Variants in PCDHGA3 observed in about 807,000 individuals in gnomAD.
PCDHGA3 encodes protocadherin gamma subfamily A, 3.
PCDHGA3 carries 40 observed loss-of-function variants against 58.5 expected under a neutral mutation model. That is an observed-to-expected ratio of 0.68 (90% CI 0.53 to 0.89). The LOEUF is 0.89. PCDHGA3 is among the 40% of genes least tolerant of loss of function. The pLI is 0.00. For synonymous variants in PCDHGA3, 530 were observed against 525.7 expected (o/e 1.01, Z -0.11); for missense variants, 1,223 against 1,195.9 (o/e 1.02, Z -0.33).
In PCDHGA3 at chr5:141,489,739, G is replaced by A; in HGVS notation, c.2425-5068G>A. On this transcript the variant is annotated intron_variant, in intron 1 of 3. Transcript: ENST00000253812. The surrounding 1 kb of genome is among the most constrained non-coding windows in gnomAD (Gnocchi z 4.5). Reference sequence around the variant, plus strand: ...GGATCCGGATGTGGGCACCAATACTGTGAGCTTTTACACTCTAAGCCCCAA... The same window carrying A: ...GGATCCGGATGTGGGCACCAATACTATGAGCTTTTACACTCTAAGCCCCAA... 3 of 1,614,170 alleles carry A rather than the reference G, an allele frequency of 1.9e-6. No homozygotes were observed. The highest frequency in any genetic ancestry group is 2.2e-5 in the South Asian group (2 of 91,076).
Position 141,489,434 on chromosome 5 carries a change from A to G in PCDHGA3, c.2425-5373A>G. On this transcript the variant is annotated intron_variant, in intron 1 of 3. Transcript: ENST00000253812. This position sits in a 1 kb window ranked among gnomAD's most constrained non-coding sequence, Gnocchi z 4.5. ...ACAGATCTGTTGAGCCGGCGGCTGC[A>G]ATTGGGCTCTGAGGAGAATGGGCGC... 6.2e-7 allele frequency: 1 copy of G among 1,614,138 alleles called. No individual in the cohort carries two copies. The highest frequency in any genetic ancestry group is 8.5e-7 in the Non-Finnish European group (1 of 1,180,044).
Position 141,435,556 on chromosome 5 carries a change from G to C in PCDHGA3, c.2425-59251G>C, listed in dbSNP as rs568743865. ...AGAATTAACAAAATGTGTTTTGAGT[G>C]CTTTTTTTAGTACTGGGGCAAATTT... is the stretch of plus-strand genomic sequence containing the variant. On this transcript the variant is annotated intron_variant, in intron 1 of 3. Transcript: ENST00000253812. Among the ~76,000 whole-genome samples, 7 of 152,242 alleles carry C rather than the reference G, an allele frequency of 4.6e-5. 1 individual carries two copies. Among genetic ancestry groups the C allele is most frequent in the African/African-American group, 1.4e-4 (6 of 41,544 alleles).
At position 141,379,535 on chromosome 5, in the gene PCDHGA3, G is replaced by A. The variant is rs1035667412; in HGVS notation, c.2424+33078G>A. On this transcript the variant is annotated intron_variant, in intron 1 of 3. Coordinates refer to ENST00000253812, the MANE Select transcript of PCDHGA3 (RefSeq NM_018916.4). ...ACATCTTGAGCATTTGTTGTTATAGGGAAAGCTCACTAACTACTTTTCATG... is the reference window on the plus strand; with the variant it reads ...ACATCTTGAGCATTTGTTGTTATAGAGAAAGCTCACTAACTACTTTTCATG... 103 of 152,098 alleles carry A rather than the reference G, an allele frequency of 6.8e-4. 1 individual carries two copies. Among genetic ancestry groups the A allele is most frequent in the African/African-American group, 2.4e-3 (101 of 41,410 alleles). 9.4% of individuals were successfully genotyped at this position (152,098 alleles called of 1,614,324 possible).
chr5:141,382,427 G>T (rs1422765851), intron 1 of PCDHGA3, among the ~76,000 whole-genome samples: 1 of 152,138 alleles, frequency 6.6e-6, no homozygotes, highest in African/African-American at 2.4e-5. Context: ...GTGCCCAAAA[G>T]AGTCACTTGA....
At position 141,487,939 on chromosome 5, in the gene PCDHGA3, C is replaced by A; in HGVS notation, c.2425-6868C>A. ...AGGCTACAGTGCACAGGGTACAGTG[C>A]ACCAGGCAGTCACTTGGACAAAGGT... On this transcript the variant is annotated intron_variant, in intron 1 of 3. Coordinates refer to ENST00000253812, the MANE Select transcript of PCDHGA3 (RefSeq NM_018916.4). The surrounding 1 kb of genome is among the most constrained non-coding windows in gnomAD (Gnocchi z 5.0). The A allele has an allele frequency of 1.7e-6, 1 of 600,512 alleles. No individual in the cohort carries two copies. Among genetic ancestry groups the A allele is most frequent in the Non-Finnish European group, 2.9e-6 (1 of 343,042 alleles). The allele number at this position is 600,512 out of a possible 1,614,324, so 37.2% of individuals were successfully genotyped here.
intron 1 of PCDHGA3, among the ~76,000 whole-genome samples, chr5:141,448,001 G>A (rs143950707): frequency 0.046 from 7,030 of 151,928 alleles, 245 homozygotes; most frequent in African/African-American, 0.093. Context: ...CATGAGAATC[G>A]CTTGAACCCA....
intron 1 of PCDHGA3, chr5:141,409,439 G>C: frequency 6.2e-7 from 1 of 1,613,998 alleles, no homozygotes; most frequent in Non-Finnish European, 8.5e-7. Flanking sequence ...CCTGGACCGA[G>C]AGCAGACACC....
chr5:141,428,121 G>A (rs764584436), intron 1 of PCDHGA3: 2 of 1,605,742 alleles, frequency 1.2e-6, no homozygotes, highest in Admixed American at 1.7e-5. Flanking sequence ...CATCGAGCCC[G>A]GGCTTTTCAG....
At position 141,383,195 on chromosome 5, in the gene PCDHGA3, G is replaced by A. The variant is rs765730698; in HGVS notation, c.2424+36738G>A. On this transcript the variant is annotated intron_variant, in intron 1 of 3. Transcript: ENST00000253812. ...GACCGGGAAGAGATCTGCGCTCAGA[G>A]TGCGCGGTGTCTGGTAAACTTTAAC... 18 of 1,614,044 alleles carry A rather than the reference G, an allele frequency of 1.1e-5. No homozygotes were observed. Among genetic ancestry groups the A allele is most frequent in the Non-Finnish European group, 1.5e-5 (18 of 1,179,940 alleles).
At chr5:141,420,284 TA>T in intron 1 of PCDHGA3, 2 of 1,505,934 alleles carry the variant, frequency 1.3e-6, no homozygotes, top group East Asian at 2.3e-5. Context: ...GGTAAGTATT[TA>T]AAAATGTATT....
intron 1 of PCDHGA3, chr5:141,413,690 A>G (rs553462819): frequency 6.2e-7 from 1 of 1,613,702 alleles, no homozygotes; most frequent in Non-Finnish European, 8.5e-7. Flanking sequence ...AACTCCCTGC[A>G]GAGCTATCAG....
rs2099634686 is a variant in PCDHGA3 at position 141,486,772 on chromosome 5, T to G, written c.2425-8035T>G. 1 of 1,614,246 alleles carries G rather than the reference T, an allele frequency of 6.2e-7. No individual in the cohort carries two copies. The highest frequency in any genetic ancestry group is 8.5e-7 in the Non-Finnish European group (1 of 1,180,042). Reference sequence around the variant, plus strand: ...ATGAGCAAACCCAGACACTGCAGTTTGAGGTGCAGGCCCGGGATCGGGGCA... The same window carrying G: ...ATGAGCAAACCCAGACACTGCAGTTGGAGGTGCAGGCCCGGGATCGGGGCA... On this transcript the variant is annotated intron_variant, in intron 1 of 3. Coordinates refer to ENST00000253812, the MANE Select transcript of PCDHGA3 (RefSeq NM_018916.4). This position sits in a 1 kb window ranked among gnomAD's most constrained non-coding sequence, Gnocchi z 5.0.
chr5:141,366,333 T>A lies in PCDHGA3; in HGVS notation c.2424+19876T>A, dbSNP rs190728090. ...GTCACCGTTGCCGTGGCCGACAGGA[T>A]CCCTGACATCCTGGCTGACCTAGGC... On this transcript the variant is annotated intron_variant, in intron 1 of 3. Transcript: ENST00000253812. 44 of 1,613,876 alleles carry A rather than the reference T, an allele frequency of 2.7e-5. No homozygotes were observed. The East Asian group carries it at 9.6e-4, about 35-fold the overall frequency.
intron 1 of PCDHGA3, among the ~76,000 whole-genome samples, chr5:141,488,463 C>T (rs926068842): frequency 6.6e-6 from 1 of 152,164 alleles, no homozygotes; most frequent in African/African-American, 2.4e-5. Flanking sequence ...GATTCAGCCC[C>T]AGAAATGTTC....
At chr5:141,423,500 T>A (rs1191111288) in intron 1 of PCDHGA3, 1 of 1,613,732 alleles carries the variant, frequency 6.2e-7, no homozygotes, top group Non-Finnish European at 8.5e-7. Flanking sequence ...TCCCACGAGG[T>A]CTCTCTCATT....
At chr5:141,350,364 T>G (rs1179382861) in intron 1 of PCDHGA3, 4 of 1,579,086 alleles carry the variant, frequency 2.5e-6, no homozygotes, top group Non-Finnish European at 2.6e-6. Context: ...CGATACACGA[T>G]TCCAGAGGAG....
At chr5:141,408,605 A>G (rs1374368607) in intron 1 of PCDHGA3, 1 of 1,614,060 alleles carries the variant, frequency 6.2e-7, no homozygotes, top group South Asian at 1.1e-5. Flanking sequence ...TCAATTTGAT[A>G]AAAAGGAAAT....
chr5:141,357,280 G>T (rs375096659), intron 1 of PCDHGA3: 9 of 1,613,820 alleles, frequency 5.6e-6, no homozygotes, highest in Non-Finnish European at 7.6e-6. Context: ...ACTCTATCTC[G>T]TGGTGGCAGT....
In PCDHGA3 at chr5:141,485,132, T is replaced by C. The variant is rs1020670896; in HGVS notation, c.2425-9675T>C. On this transcript the variant is annotated intron_variant, in intron 1 of 3. Transcript: ENST00000253812. This position sits in a 1 kb window ranked among gnomAD's most constrained non-coding sequence, Gnocchi z 5.7. ...GGCTGTTTGGGGCGGGTCGGCTTCATCCGCGTCTCAGGAGCAAGTAGAGAA... is the reference window on the plus strand; with the variant it reads ...GGCTGTTTGGGGCGGGTCGGCTTCACCCGCGTCTCAGGAGCAAGTAGAGAA... 8.1e-6 allele frequency: 12 copies of C among 1,489,136 alleles called. No individual in the cohort carries two copies. Among genetic ancestry groups the C allele is most frequent in the East Asian group, 2.3e-5 (1 of 44,214 alleles). The allele number at this position is 1,489,136 out of a possible 1,614,324, so 92.2% of individuals were successfully genotyped here.
Sources: allele counts gnomAD v4.1 joint callset (sites outside exome capture counted in the v4.1 genomes callset), GRCh38; gene constraint gnomAD v4.1.1; non-coding constraint Gnocchi (gnomAD v3.1); transcripts MANE v1.5; gene names NCBI Gene and HGNC (gene_info 2026-07-23, HGNC 2026-07-21).